Variants in TMEM39B observed in about 807,000 individuals in gnomAD.
TMEM39B encodes transmembrane protein 39B.
A neutral mutation model predicts 52.2 loss-of-function variants in TMEM39B; 23 were observed. That is an observed-to-expected ratio of 0.44 (90% CI 0.32 to 0.62). The LOEUF (loss-of-function observed/expected upper bound fraction) is 0.62. TMEM39B is among the 20% of genes least tolerant of loss of function. The pLI, the probability that TMEM39B is intolerant of heterozygous loss-of-function variation, is 0.06. For synonymous variants in TMEM39B, 285 were observed against 264.0 expected, an observed-to-expected ratio of 1.08 and a Z score of -0.77; for missense variants, 547 against 642.0, an observed-to-expected ratio of 0.85 and a Z score of 1.60.
chr1:32,092,015 C>T lies in TMEM39B; in HGVS notation c.927+4C>T, dbSNP rs1295435283. On this transcript the variant is annotated splice_donor_region_variant and intron_variant, in intron 6 of 8. Transcript: ENST00000336294. The stretch of plus-strand genomic sequence containing the variant: ...TGTGCCTGTCTGGTTCGTGAAGGTG[C>T]GTACCTCAAGCCAGGGAGGGAAAGG... The T allele has an allele frequency of 5.0e-6, 8 of 1,610,356 alleles. No homozygotes were observed. Among genetic ancestry groups the T allele is most frequent in the African/African-American group, 2.7e-5 (2 of 74,874 alleles).
intron 4 of TMEM39B, among the ~76,000 whole-genome samples, 159 bp downstream of exon 4, chr1:32,077,005 C>T (rs1375215101): frequency 6.6e-6 from 1 of 152,214 alleles, no homozygotes; most frequent in African/African-American, 2.4e-5. Context: ...TTGGAGTTTA[C>T]TGGGCATCAA....
chr1:32,080,738 C>A (rs1299872697), intron 5 of TMEM39B, among the ~76,000 whole-genome samples: 2 of 150,212 alleles, frequency 1.3e-5, no homozygotes, highest in East Asian at 3.9e-4. Flanking sequence ...CCTGGTGAAT[C>A]TTTTCTTCAT....
rs1396810343 is a variant in TMEM39B, at chr1:32,091,991, G to T, written c.907G>T (p.Val303Leu). ...GCTGAGCGCCTACTATGTGGCCTTT[G>T]TGCCTGTCTGGTTCGTGAAGGTGCG... ...SMLSAYYVAF[V>L]PVWFVKNTHY... is the part of the protein sequence containing the mutation. The change falls in exon 6 of 9, where the codon GTG becomes TTG. Residue 303 changes from valine to leucine, a missense_variant. Physicochemically the swap from Val to Leu is conservative, Grantham distance 32. Transcript: ENST00000336294. 2 of 1,613,800 alleles carry T rather than the reference G, an allele frequency of 1.2e-6. No individual in the cohort carries two copies. Among genetic ancestry groups the T allele is most frequent in the Non-Finnish European group, 1.7e-6 (2 of 1,179,862 alleles).
At chr1:32,082,677 A>G (rs567673912) in intron 5 of TMEM39B, among the ~76,000 whole-genome samples, 1 of 151,982 alleles carries the variant, frequency 6.6e-6, no homozygotes, top group South Asian at 2.1e-4. Flanking sequence ...GCTGGTCTCG[A>G]ACTCCCAACC....
rs147916945 is a variant in TMEM39B, at chr1:32,077,175, G to A, written c.447G>A (p.Arg149=). ...TTGCCCCGACCCAGGCCTCTCAGAG[G>A]GGGAAGGTCTCCCTCTTTCGCTCCA... ...IGSIVKEASQ[R]GKVSLFRSIL... The change falls in exon 5 of 9, where the codon AGG becomes AGA. Residue 149 remains arginine (R), a synonymous_variant. Coordinates refer to ENST00000336294, the MANE Select transcript of TMEM39B (RefSeq NM_018056.4). 14 of 1,614,022 alleles carry A rather than the reference G, an allele frequency of 8.7e-6. No individual in the cohort carries two copies. Among genetic ancestry groups the A allele is most frequent in the African/African-American group, 5.3e-5 (4 of 74,920 alleles).
rs770568235 is a variant in TMEM39B, at chr1:32,080,747, A to G, written c.590+3429A>G. Reference sequence around the variant, plus strand: ...TTACTACCTGGTGAATCTTTTCTTCATGGATGCAGATAACACCCAATGTCA... The same window carrying G: ...TTACTACCTGGTGAATCTTTTCTTCGTGGATGCAGATAACACCCAATGTCA... On this transcript the variant is annotated intron_variant, in intron 5 of 8. Coordinates refer to ENST00000336294, the MANE Select transcript of TMEM39B (RefSeq NM_018056.4). Among the ~76,000 whole-genome samples, 6 of 151,602 alleles carry G rather than the reference A, an allele frequency of 4.0e-5. 1 individual carries two copies. Among genetic ancestry groups the G allele is most frequent in the Admixed American group, 2.0e-4 (3 of 15,178 alleles).
intron 1 of TMEM39B, among the ~76,000 whole-genome samples, chr1:32,074,043 C>A (rs1639752680): frequency 6.6e-6 from 1 of 152,136 alleles, no homozygotes; most frequent in South Asian, 2.1e-4. Flanking sequence ...GCCACCACAC[C>A]CAGTCAGGTT....
At chr1:32,082,489 C>G (rs528907249) in intron 5 of TMEM39B, among the ~76,000 whole-genome samples, 4 of 152,164 alleles carry the variant, frequency 2.6e-5, no homozygotes, top group African/African-American at 7.2e-5. Context: ...GAGTCTCTCT[C>G]TGTCACCCAG....
At chr1:32,079,188 T>TC (rs1187425663) in intron 5 of TMEM39B, among the ~76,000 whole-genome samples, 285 of 148,220 alleles carry the variant, frequency 1.9e-3, no homozygotes, top group African/African-American at 6.5e-3. Context: ...TTTCTTTCTT[T>TC]TTTTTTTTTT....
At chr1:32,079,185 C>CTTTTT (rs763260333) in intron 5 of TMEM39B, among the ~76,000 whole-genome samples, 6 of 129,162 alleles carry the variant, frequency 4.6e-5, no homozygotes, top group East Asian at 2.3e-4. Flanking sequence ...CTATTTCTTT[C>CTTTTT]TTTTTTTTTT....
At position 32,074,937 on chromosome 1, in the gene TMEM39B, G is replaced by C. The variant is rs1335957824; in HGVS notation, c.5-14G>C. 6.5e-7 allele frequency: 1 copy of C among 1,548,514 alleles called. No individual in the cohort carries two copies. The highest frequency in any genetic ancestry group is 8.7e-7 in the Non-Finnish European group (1 of 1,145,356). On this transcript the variant is annotated splice_polypyrimidine_tract_variant and intron_variant, in intron 1 of 8. Coordinates refer to ENST00000336294, the MANE Select transcript of TMEM39B (RefSeq NM_018056.4). ...CCCCTGGCTTGAGGCTCTATTTTAT[G>C]TTGAGCCCCACAGGAGGACGAAGAG...
Position 32,076,799 on chromosome 1 carries a change from A to G in TMEM39B, c.388A>G (p.Thr130Ala), listed in dbSNP as rs755234199. The change falls in exon 4 of 9, where the codon ACC becomes GCC. Residue 130 changes from threonine to alanine, a missense_variant. Coordinates refer to ENST00000336294, the MANE Select transcript of TMEM39B (RefSeq NM_018056.4). The stretch of plus-strand genomic sequence containing the variant: ...GATCGACTTCAACTTGCTGATGGTG[A>G]CCACCATCGTTCTGGGCCGCCGCTT... ...HLIDFNLLMV[T>A]TIVLGRRFIG... is the part of the protein sequence containing the mutation. The G allele has an allele frequency of 6.2e-7, 1 of 1,613,842 alleles. No homozygotes were observed. The highest frequency in any genetic ancestry group is 1.1e-5 in the South Asian group (1 of 91,052).
intron 5 of TMEM39B, among the ~76,000 whole-genome samples, chr1:32,077,852 T>A (rs1007403316): frequency 6.6e-6 from 1 of 152,152 alleles, no homozygotes; most frequent in Non-Finnish European, 1.5e-5. Context: ...CTGTTTTTGC[T>A]CTCTTTCTCC....
In TMEM39B at chr1:32,075,674, A is replaced by T; in HGVS notation, c.203A>T (p.Lys68Met). The change falls in exon 3 of 9, where the codon AAG becomes ATG. Residue 68 changes from lysine to methionine, a missense_variant. Coordinates refer to ENST00000336294, the MANE Select transcript of TMEM39B (RefSeq NM_018056.4). ...TQTVVPLQHC[K>M]IPELPVQASI... is the part of the protein sequence containing the mutation. ...ACTGTTGTGCCTCTACAGCACTGCA[A>T]GATCCCCGAGCTGCCAGTCCAGGCC... is the stretch of plus-strand genomic sequence containing the variant. The T allele has an allele frequency of 6.4e-7, 1 of 1,551,690 alleles. No individual in the cohort carries two copies. The highest frequency in any genetic ancestry group is 2.0e-5 in the Admixed American group (1 of 50,982).
At chr1:32,076,705 A>G (rs898693227) in intron 3 of TMEM39B, 58 bp from the exon 4 acceptor site, 4 of 1,567,060 alleles carry the variant, frequency 2.6e-6, no homozygotes, top group South Asian at 2.2e-5. Context: ...TGGGTATGAA[A>G]AAAGCCTGCA....
At chr1:32,081,854 G>C (rs1259046237) in intron 5 of TMEM39B, among the ~76,000 whole-genome samples, 3 of 152,106 alleles carry the variant, frequency 2.0e-5, no homozygotes, top group Admixed American at 2.0e-4. Flanking sequence ...CCCCTTGACT[G>C]CTGCCTCCCA....
At position 32,074,993 on chromosome 1, in the gene TMEM39B, C is replaced by T. The variant is rs747508212; in HGVS notation, c.47C>T (p.Pro16Leu). 39 of 1,551,450 alleles carry T rather than the reference C, an allele frequency of 2.5e-5. No homozygotes were observed. The highest frequency in any genetic ancestry group is 3.6e-5 in the South Asian group (3 of 84,054). The change falls in exon 2 of 9, where the codon CCG (proline) becomes CTG (leucine). Residue 16 changes from proline to leucine, a missense_variant. Pro to Leu is a moderately conservative substitution (Grantham distance 98, BLOSUM62 -3). Coordinates refer to ENST00000336294, the MANE Select transcript of TMEM39B (RefSeq NM_018056.4). Reference sequence around the variant, plus strand: ...AACAGGACATCTTACTGTCGAAATCCGCTCTGTGAGCCGGGATCCTCGGGG... The same window carrying T: ...AACAGGACATCTTACTGTCGAAATCTGCTCTGTGAGCCGGGATCCTCGGGG... Reference protein sequence around the residue: ...GPNRTSYCRNPLCEPGSSGGS... With the variant: ...GPNRTSYCRNLLCEPGSSGGS...
chr1:32,090,033 AAAAAG>A (rs1640538761), intron 5 of TMEM39B, among the ~76,000 whole-genome samples: 1 of 151,794 alleles, frequency 6.6e-6, no homozygotes, highest in Non-Finnish European at 1.5e-5. Flanking sequence ...TGTCTCAAAA[AAAAAG>A]AAAAGAAATG....
Position 32,076,831 on chromosome 1 carries a change from G to A in TMEM39B, c.420G>A (p.Gly140=). Residue 140 remains glycine, a synonymous_variant, in exon 4 of 9, where the codon GGG becomes GGA. Transcript: ENST00000336294. ...TTIVLGRRFI[G]SIVKEASQRG... ...TCGTTCTGGGCCGCCGCTTCATTGG[G>A]TCCATCGTGAAGGAGGTGATTGGGT... 1 of 1,614,100 alleles carries A rather than the reference G, an allele frequency of 6.2e-7. No homozygotes were observed. The highest frequency in any genetic ancestry group is 1.3e-5 in the African/African-American group (1 of 75,010).
Sources: gnomAD v4.1 joint callset for allele counts (sites outside exome capture counted in the v4.1 genomes callset) on GRCh38, gnomAD v4.1.1 for gene constraint, MANE v1.5 for transcripts, NCBI Gene and HGNC (gene_info 2026-07-23, HGNC 2026-07-21) for gene names.